PCDH15: variants seen among roughly 807,000 people sequenced by gnomAD.
The protein encoded by PCDH15 is protocadherin-15.
In PCDH15, 129 loss-of-function variants were observed where a neutral mutation model predicts 178.5. That is an observed-to-expected ratio of 0.72 (90% CI 0.63 to 0.84). PCDH15 has a LOEUF of 0.84. Ranked by LOEUF, PCDH15 falls within the 40% of genes least tolerant of loss-of-function variation. PCDH15 has a pLI of 0.00. For missense variants in PCDH15, 2,230 were observed against 2,099.9 expected, an observed-to-expected ratio of 1.06 and a Z score of -1.21; for synonymous variants, 800 against 732.0, an observed-to-expected ratio of 1.09 and a Z score of -1.50.
chr10:54,374,466 T>C (rs918633105), intron 4 of PCDH15, among the ~76,000 whole-genome samples: 4 of 152,102 alleles, frequency 2.6e-5, no homozygotes, highest in African/African-American at 9.7e-5. Flanking sequence ...TAATTATTGA[T>C]ATTGTCATGA....
At chr10:54,307,460 A>G (rs2060629011) in intron 8 of PCDH15, among the ~76,000 whole-genome samples, 1 of 151,550 alleles carries the variant, frequency 6.6e-6, no homozygotes, top group East Asian at 2.0e-4. Flanking sequence ...CTGTGGGACA[A>G]TTTGGAAAAC....
chr10:54,802,548 G>A (rs2133716075), upstream of PCDH15, among the ~76,000 whole-genome samples: 1 of 152,246 alleles, frequency 6.6e-6, no homozygotes. Context: ...CTTGTAATAA[G>A]TGAATACATT....
intron 2 of PCDH15, among the ~76,000 whole-genome samples, chr10:55,003,559 C>T (rs1839847693): frequency 6.6e-6 from 1 of 151,838 alleles, no homozygotes; most frequent in South Asian, 2.1e-4. Context: ...CTCTCTTTGC[C>T]TGATTTCTCC....
chr10:55,323,747 C>T (rs1843962490), upstream of PCDH15, among the ~76,000 whole-genome samples: 1 of 152,110 alleles, frequency 6.6e-6, no homozygotes, highest in Admixed American at 6.6e-5. Context: ...GGACTTTTCT[C>T]AGATGAGGCT....
At position 54,585,482 on chromosome 10, in the gene PCDH15, T is replaced by A. The variant is rs112279696; in HGVS notation, c.92-57605A>T. The A allele has an allele frequency of 4.8e-3, 939 of 196,916 alleles. 10 individuals carry two copies. The highest frequency in any genetic ancestry group is 0.015 in the Admixed American group (287 of 19,038). 12.2% of individuals were successfully genotyped at this position (196,916 alleles called of 1,614,324 possible). On this transcript the variant is annotated intron_variant, in intron 2 of 37. Transcript: ENST00000644397. ...TTTCTTACAATTATTAAAGCTAACC[T>A]TCAGAACTGTTGTTAATAACAAGAC...
At chr10:55,234,457 T>C (rs1841317013) in intron 1 of PCDH15, among the ~76,000 whole-genome samples, 1 of 151,532 alleles carries the variant, frequency 6.6e-6, no homozygotes, top group Non-Finnish European at 1.5e-5. Flanking sequence ...CAGGCTGGAG[T>C]GAGTGGCACA....
intron 25 of PCDH15, among the ~76,000 whole-genome samples, chr10:53,922,421 T>C (rs1046537926): frequency 1.3e-5 from 2 of 152,184 alleles, no homozygotes; most frequent in African/African-American, 4.8e-5. Flanking sequence ...ATATTTACCC[T>C]AAGAGAAAGT....
intron 14 of PCDH15, among the ~76,000 whole-genome samples, chr10:54,143,621 C>G (rs2043608529): frequency 6.6e-6 from 1 of 152,104 alleles, no homozygotes; most frequent in Non-Finnish European, 1.5e-5. Context: ...ATGGACTAAA[C>G]TAATGAAGGA....
chr10:53,829,860 AC>A (rs1473381215), intron 30 of PCDH15, among the ~76,000 whole-genome samples: 2 of 152,140 alleles, frequency 1.3e-5, no homozygotes, highest in African/African-American at 2.4e-5. Flanking sequence ...AATTCATGAT[AC>A]TTTTTTTCAT....
chr10:55,130,541 A>G (rs1838011678), intron 2 of PCDH15, among the ~76,000 whole-genome samples: 2 of 152,146 alleles, frequency 1.3e-5, no homozygotes, highest in South Asian at 4.1e-4. Flanking sequence ...TTTTTTAGTA[A>G]CATAATGCTG....
chr10:55,273,523 T>C (rs1842502975), intron 1 of PCDH15, among the ~76,000 whole-genome samples: 1 of 152,048 alleles, frequency 6.6e-6, no homozygotes, highest in African/African-American at 2.4e-5. Flanking sequence ...AGGGTGTATG[T>C]GGTGGGTGGG....
chr10:54,362,071 T>C (rs907389745), intron 5 of PCDH15, among the ~76,000 whole-genome samples: 2 of 152,100 alleles, frequency 1.3e-5, no homozygotes, highest in African/African-American at 4.8e-5. Context: ...CTATAAGTAC[T>C]AAGTAAGTTA....
At chr10:54,570,140 G>A (rs1216277220) in intron 2 of PCDH15, among the ~76,000 whole-genome samples, 1 of 152,006 alleles carries the variant, frequency 6.6e-6, no homozygotes, top group Non-Finnish European at 1.5e-5. Flanking sequence ...AAATTCATAA[G>A]GAGAATGGAT....
chr10:54,396,000 T>C (rs1951170193), intron 3 of PCDH15, among the ~76,000 whole-genome samples: 1 of 152,154 alleles, frequency 6.6e-6, no homozygotes, highest in Non-Finnish European at 1.5e-5. Context: ...ATAAGGTTTG[T>C]TGAGCTGAAG....
At position 54,269,215 on chromosome 10, in the gene PCDH15, A is replaced by T. The variant is rs2057895626; in HGVS notation, c.877-32284T>A. On this transcript the variant is annotated intron_variant, in intron 8 of 37. Coordinates refer to ENST00000644397, the MANE Select transcript of PCDH15 (RefSeq NM_001384140.1). ...AGGTGATTGATAAATGAGAAACTGA[A>T]AGAAAACAAACCAATAGGTGTTTTT... Among the ~76,000 whole-genome samples the T allele has an allele frequency of 2.0e-5, 3 of 152,124 alleles. No individual in the cohort carries two copies. The South Asian group carries it at 6.2e-4, about 31-fold the overall frequency.
At chr10:54,145,548 A>C (rs2133230506) in intron 14 of PCDH15, among the ~76,000 whole-genome samples, 1 of 152,222 alleles carries the variant, frequency 6.6e-6, no homozygotes, top group African/African-American at 2.4e-5. Context: ...CACATTGAAA[A>C]CCAATATAGG....
At chr10:54,886,490 A>C (rs932727214) in intron 3 of PCDH15, among the ~76,000 whole-genome samples, 2 of 152,228 alleles carry the variant, frequency 1.3e-5, no homozygotes, top group African/African-American at 4.8e-5. Context: ...GTTCAGGCGC[A>C]GTGGCTCATG....
intron 2 of PCDH15, among the ~76,000 whole-genome samples, chr10:55,540,093 T>A (rs2132075203): frequency 6.6e-6 from 1 of 152,242 alleles, no homozygotes; most frequent in South Asian, 2.1e-4. Flanking sequence ...TAAATTACAG[T>A]AAAAAGCTAT....
intron 2 of PCDH15, among the ~76,000 whole-genome samples, chr10:55,442,170 AG>A (rs1278804563): frequency 6.6e-6 from 1 of 152,066 alleles, no homozygotes; most frequent in East Asian, 1.9e-4. Context: ...CCCTGCGAAA[AG>A]TGGAAAGAAA....
Sources: allele counts gnomAD v4.1 joint callset (sites outside exome capture counted in the v4.1 genomes callset), GRCh38; gene constraint gnomAD v4.1.1; transcripts MANE v1.5; gene names NCBI Gene and HGNC (gene_info 2026-07-23, HGNC 2026-07-21).